ACAP3: variants seen among roughly 807,000 people sequenced by gnomAD.
The protein encoded by ACAP3 is arf-GAP with coiled-coil, ANK repeat and PH domain-containing protein 3.
Under a neutral mutation model 104.1 loss-of-function variants are expected in ACAP3, and 56 were observed. That is an observed-to-expected ratio of 0.54 (90% confidence interval 0.43 to 0.67). The LOEUF (loss-of-function observed/expected upper bound fraction) is 0.67. Among genes scored for constraint, ACAP3 ranks in the 30% least tolerant of loss-of-function variants. The pLI, the probability that ACAP3 is intolerant of heterozygous loss-of-function variation, is 0.00. For synonymous variants in ACAP3, 628 were observed against 496.2 expected, an observed-to-expected ratio of 1.27 and a Z score of -3.53; for missense variants, 1,208 against 1,174.9, an observed-to-expected ratio of 1.03 and a Z score of -0.41.
At position 1,296,632 on chromosome 1, in the gene ACAP3, C is replaced by T. The variant is rs1329444128; in HGVS notation, c.1130G>A (p.Arg377Lys). 6.5e-7 allele frequency: 1 copy of T among 1,534,576 alleles called. No homozygotes were observed. The highest frequency in any genetic ancestry group is 8.7e-7 in the Non-Finnish European group (1 of 1,144,644). ...RESPDSCYSE[R>K]LDRTASPSTS... is the part of the protein sequence containing the mutation. ...GGACGGGGATGCTGTGCGGTCCAGC[C>T]TCTGGAGGATGGGGTGGAGCTGCTC... Residue 377 changes from arginine (R) to lysine (K), a missense_variant and splice_region_variant, in exon 15 of 24, where the codon AGG (arginine) becomes AAG (lysine). Physicochemically the swap from Arg to Lys is conservative, Grantham distance 26. Coordinates refer to ENST00000354700, the MANE Select transcript of ACAP3 (RefSeq NM_030649.3).
intron 11 of ACAP3, 34 bp from the exon 12 acceptor site, chr1:1,298,455 G>A (rs759744154): frequency 6.3e-7 from 1 of 1,595,256 alleles, no homozygotes; most frequent in Admixed American, 1.7e-5. Context: ...GAGTCAGGCG[G>A]GGCCCATCCC....
At chr1:1,305,203 G>A (rs978940038) in intron 1 of ACAP3, 3 of 152,306 alleles carry the variant, frequency 2.0e-5, no homozygotes, top group South Asian at 2.1e-4. Flanking sequence ...CACCCCAGAA[G>A]GACACTAGGT....
chr1:1,304,455 A>T, intron 1 of ACAP3: 1 of 507,098 alleles, frequency 2.0e-6, no homozygotes, highest in Non-Finnish European at 3.6e-6. Flanking sequence ...GGGCTGAGCC[A>T]GCCTCACCCG....
rs935491764 is a variant in ACAP3 at position 1,303,092 on chromosome 1, C to T, written c.225+70G>A. The stretch of plus-strand genomic sequence containing the variant: ...CCGGCCTGCTTCTGGCCTGGACGCC[C>T]TCAAGGGGCTGCCTCCCTCGGCCTC... On this transcript the variant is annotated intron_variant, in intron 3 of 23. Transcript: ENST00000354700. The surrounding 1 kb of genome is among the most constrained non-coding windows in gnomAD (Gnocchi z 4.0). 2 of 1,556,106 alleles carry T rather than the reference C, an allele frequency of 1.3e-6. No individual in the cohort carries two copies. The highest frequency in any genetic ancestry group is 1.7e-6 in the Non-Finnish European group (2 of 1,149,714).
At position 1,296,569 on chromosome 1, in the gene ACAP3, C is replaced by T. The variant is rs1401130731; in HGVS notation, c.1193G>A (p.Arg398His). The change falls in exon 15 of 24, where the codon CGT becomes CAT. Residue 398 changes from arginine to histidine, a missense_variant. Coordinates refer to ENST00000354700, the MANE Select transcript of ACAP3 (RefSeq NM_030649.3). ...CAGCACACTCTCGCCCTTCACGCCA[C>T]GCTCCCGAGTGTCGGTGGCGGAGTC... ...SIDSATDTRE[R>H]GVKGESVLQR... 1.6e-5 allele frequency: 24 copies of T among 1,539,580 alleles called. No individual in the cohort carries two copies. Among genetic ancestry groups the T allele is most frequent in the Middle Eastern group, 1.7e-4 (1 of 5,892 alleles).
At chr1:1,295,658 C>A in intron 18 of ACAP3, 78 bp downstream of exon 18, 1 of 1,550,786 alleles carries the variant, frequency 6.4e-7, no homozygotes, top group East Asian at 2.4e-5. Context: ...CCCCAGAGCC[C>A]TGCCACCAGC....
rs1365498066 is a variant in ACAP3 at position 1,307,804 on chromosome 1, C to T, written c.12G>A (p.Glu4=). Reference sequence around the variant, plus strand: ...GGGAGTCCTTGACGCACTCCTCGAACTCCACGGTCATGGCTGCGGCGGCCG... The same window carrying T: ...GGGAGTCCTTGACGCACTCCTCGAATTCCACGGTCATGGCTGCGGCGGCCG... The part of the protein sequence containing the change: MTV[E]FEECVKDSPR... The change falls in exon 1 of 24, where the codon GAG becomes GAA. Residue 4 remains glutamate, a synonymous_variant. Transcript: ENST00000354700. The T allele has an allele frequency of 9.3e-7, 1 of 1,075,430 alleles. No homozygotes were observed. Among genetic ancestry groups the T allele is most frequent in the African/African-American group, 1.7e-5 (1 of 58,996 alleles). The allele number at this position is 1,075,430 out of a possible 1,614,324, so 66.6% of individuals were successfully genotyped here. A position where few individuals can be genotyped will look rare whatever the true frequency, so the allele number is the denominator to read the frequency against.
chr1:1,295,631 T>C, intron 18 of ACAP3, 77 bp from the exon 19 acceptor site: 1 of 1,562,924 alleles, frequency 6.4e-7, no homozygotes, highest in East Asian at 2.4e-5. Context: ...GCCGGGAGTC[T>C]GCGGAGCCTG....
At position 1,295,572 on chromosome 1, in the gene ACAP3, G is replaced by A; in HGVS notation, c.1706-18C>T. 1 of 1,609,550 alleles carries A rather than the reference G, an allele frequency of 6.2e-7. No individual in the cohort carries two copies. Among genetic ancestry groups the A allele is most frequent in the Non-Finnish European group, 8.5e-7 (1 of 1,177,896 alleles). ...GGTGCCCACTGCAGGGGCAGTGCGT[G>A]TTCAGAGTGTGGAACAGGCCCGGGG... On this transcript the variant is annotated intron_variant, in intron 18 of 23. Coordinates refer to ENST00000354700, the MANE Select transcript of ACAP3 (RefSeq NM_030649.3).
rs1324661247 is a variant in ACAP3 at position 1,296,030 on chromosome 1, G to T, written c.1487C>A (p.Thr496Lys). The T allele has an allele frequency of 1.2e-6, 2 of 1,612,832 alleles. No homozygotes were observed. Among genetic ancestry groups the T allele is most frequent in the Non-Finnish European group, 1.7e-6 (2 of 1,179,982 alleles). Residue 496 changes from threonine (T) to lysine (K), a missense_variant, in exon 17 of 24, where the codon ACA (threonine) becomes AAA (lysine). Coordinates refer to ENST00000354700, the MANE Select transcript of ACAP3 (RefSeq NM_030649.3). The stretch of plus-strand genomic sequence containing the variant: ...CCCACCTCACCGGGAGCTGCTGGCT[G>T]TGGGTTTCCTGCTGCCTGCACCCTC... ...QCEGAGSRKP[T>K]ASSSRQDKEA...
intron 1 of ACAP3, chr1:1,307,052 GGCCTCAC>G: frequency 1.5e-6 from 1 of 666,926 alleles, no homozygotes. Flanking sequence ...CAGAGGAGGG[GGCCTCAC>G]GCAGGTGCGC....
rs373912748 is a variant in ACAP3, at chr1:1,297,817, C to T, written c.1128+5G>A. On this transcript the variant is annotated splice_donor_5th_base_variant and intron_variant, in intron 14 of 23. Coordinates refer to ENST00000354700, the MANE Select transcript of ACAP3 (RefSeq NM_030649.3). ...GGCTTGGGGCAGGGGCACCAAGGGC[C>T]ACACCTCGCTATAGCAACTGTCAGG... 1 of 1,609,522 alleles carries T rather than the reference C, an allele frequency of 6.2e-7. No homozygotes were observed. Among genetic ancestry groups the T allele is most frequent in the Non-Finnish European group, 8.5e-7 (1 of 1,177,974 alleles).
In ACAP3 at chr1:1,294,388, C is replaced by T. The variant is rs1641013477; in HGVS notation, c.2139+14G>A. 2.6e-6 allele frequency: 4 copies of T among 1,563,408 alleles called. No individual in the cohort carries two copies. Among genetic ancestry groups the T allele is most frequent in the Non-Finnish European group, 3.5e-6 (4 of 1,158,380 alleles). On this transcript the variant is annotated intron_variant, in intron 21 of 23. Transcript: ENST00000354700. Reference sequence around the variant, plus strand: ...GCACCTGTGTCCTGCGCGCAGCCCCCGTGGCTCGCTCACCCCTAGCACGGC... The same window carrying T: ...GCACCTGTGTCCTGCGCGCAGCCCCTGTGGCTCGCTCACCCCTAGCACGGC...
At chr1:1,299,197 A>C in intron 10 of ACAP3, 148 bp downstream of exon 10, 1 of 1,069,474 alleles carries the variant, frequency 9.4e-7, no homozygotes, top group South Asian at 1.5e-5. Flanking sequence ...GGCCGGAGCC[A>C]GCCCCTCACA....
At chr1:1,302,877 T>A in intron 4 of ACAP3, 45 bp downstream of exon 4, 1 of 1,537,546 alleles carries the variant, frequency 6.5e-7, no homozygotes, top group Non-Finnish European at 8.8e-7. Flanking sequence ...GCAGCTCGGT[T>A]CCAGGCCAGG....
intron 19 of ACAP3, 64 bp downstream of exon 19, chr1:1,295,383 G>T: frequency 2.0e-6 from 3 of 1,478,628 alleles, no homozygotes; most frequent in Non-Finnish European, 1.9e-6. Flanking sequence ...CCACACTCAG[G>T]CACCCTTCAG....
At chr1:1,296,180 G>A (rs1391962926) in intron 16 of ACAP3, 31 bp downstream of exon 16, 2 of 1,597,892 alleles carry the variant, frequency 1.3e-6, no homozygotes, top group East Asian at 2.3e-5. Flanking sequence ...CACAAACGGG[G>A]TCCCGTGGCC....
intron 17 of ACAP3, 38 bp from the exon 18 acceptor site, chr1:1,295,976 TG>T: frequency 6.8e-6 from 11 of 1,612,716 alleles, no homozygotes; most frequent in Non-Finnish European, 9.3e-6. Flanking sequence ...GCCCCCAGGC[TG>T]GGGCTCCCTG....
At chr1:1,305,527 A>G (rs903209232) in intron 1 of ACAP3, 4 of 152,224 alleles carry the variant, frequency 2.6e-5, no homozygotes, top group African/African-American at 9.7e-5. Flanking sequence ...AGAGCCAGCA[A>G]GGGGGGATGG....
Sources: allele counts gnomAD v4.1 joint callset, GRCh38; gene constraint gnomAD v4.1.1; non-coding constraint Gnocchi (gnomAD v3.1); transcripts MANE v1.5; gene names NCBI Gene and HGNC (gene_info 2026-07-23, HGNC 2026-07-21).